ME1: variants seen among roughly 807,000 people sequenced by gnomAD.
ME1 encodes malic enzyme 1.
In ME1, 74 loss-of-function variants were observed where a neutral mutation model predicts 66.4. That is an observed-to-expected ratio of 1.11 (90% CI 0.92 to 1.35). ME1 has a LOEUF of 1.35. Ranked by LOEUF, ME1 falls within the 40% of genes most tolerant of loss-of-function variation. ME1 has a pLI of 0.00. For synonymous variants in ME1, 251 were observed against 235.6 expected (o/e 1.07, Z -0.60); for missense variants, 750 against 694.1 (o/e 1.08, Z -0.90).
At chr6:83,227,126 TA>T (rs1790210997) in intron 11 of ME1, among the ~76,000 whole-genome samples, 3 of 152,208 alleles carry the variant, frequency 2.0e-5, no homozygotes, top group South Asian at 4.1e-4. Context: ...AGTAAAACAT[TA>T]AAATATGTAT....
At chr6:83,420,937 T>A (rs1770252400) in intron 1 of ME1, among the ~76,000 whole-genome samples, 1 of 152,140 alleles carries the variant, frequency 6.6e-6, no homozygotes, top group Non-Finnish European at 1.5e-5. Context: ...TTTAGTTTTT[T>A]GTTTTTTTGG....
At chr6:83,213,198 G>T (rs1220244880) in intron 13 of ME1, among the ~76,000 whole-genome samples, 1 of 151,716 alleles carries the variant, frequency 6.6e-6, no homozygotes, top group Non-Finnish European at 1.5e-5. Flanking sequence ...GCCGAGGCAG[G>T]TGGATCACCT....
intron 2 of ME1, among the ~76,000 whole-genome samples, chr6:83,402,899 A>G (rs1158551006): frequency 1.3e-5 from 2 of 152,206 alleles, no homozygotes; most frequent in African/African-American, 4.8e-5. Flanking sequence ...AGAAGACTGT[A>G]ATTGCCATAA....
rs139683658 is a variant in ME1 at position 83,265,471 on chromosome 6, T to C, written c.705-11733A>G. On this transcript the variant is annotated intron_variant, in intron 6 of 13. Coordinates refer to ENST00000369705, the MANE Select transcript of ME1 (RefSeq NM_002395.6). Reference sequence around the variant, plus strand: ...GCCACCATGCCTGGCTAATTTTTCTTTTAATGTTTTGTAGAGACAAGGGCT... The same window carrying C: ...GCCACCATGCCTGGCTAATTTTTCTCTTAATGTTTTGTAGAGACAAGGGCT... Among the ~76,000 whole-genome samples, 66 of 152,150 alleles carry C rather than the reference T, an allele frequency of 4.3e-4. 2 individuals are homozygous for C. The East Asian group carries it at 0.012, about 27-fold the overall frequency.
At chr6:83,275,041 G>C (rs1767151106) in intron 6 of ME1, among the ~76,000 whole-genome samples, 1 of 152,122 alleles carries the variant, frequency 6.6e-6, no homozygotes, top group African/African-American at 2.4e-5. Flanking sequence ...TGTTAAGATA[G>C]GACAAAAACA....
chr6:83,313,691 C>T (rs961536473), intron 6 of ME1, among the ~76,000 whole-genome samples: 1 of 152,120 alleles, frequency 6.6e-6, no homozygotes, highest in Non-Finnish European at 1.5e-5. Context: ...ATTTCAAAAC[C>T]TTACATGAGC....
At chr6:83,398,542 C>T in intron 2 of ME1, 26 bp from the exon 3 acceptor site, 1 of 1,318,332 alleles carries the variant, frequency 7.6e-7, no homozygotes, top group Non-Finnish European at 1.1e-6. Context: ...ATAATTAGAT[C>T]TACATCCCAT....
chr6:83,315,241 C>A, intron 6 of ME1, 69 bp downstream of exon 6: 1 of 908,824 alleles, frequency 1.1e-6, no homozygotes, highest in Non-Finnish European at 1.8e-6. Flanking sequence ...TTGCATAAAT[C>A]TTGGATTTTT....
intron 6 of ME1, among the ~76,000 whole-genome samples, chr6:83,307,754 T>A (rs1167376210): frequency 6.6e-6 from 1 of 151,492 alleles, no homozygotes; most frequent in East Asian, 1.9e-4. Flanking sequence ...CCTTCCCTGT[T>A]GGGAAGCCAG....
Position 83,227,365 on chromosome 6 carries a change from A to C in ME1, c.1245T>G (p.Cys415Trp). 6.3e-7 allele frequency: 1 copy of C among 1,597,700 alleles called. No homozygotes were observed. The highest frequency in any genetic ancestry group is 8.6e-7 in the Non-Finnish European group (1 of 1,169,518). The change falls in exon 11 of 14, where the codon TGT becomes TGG. Residue 415 changes from cysteine (C) to tryptophan (W), a missense_variant. Transcript: ENST00000369705. Reference sequence around the variant, plus strand: ...TTATTTTGTAGCACTGCTCTGCAGAACATTCTGCTTTGCTAGTTGGATTAC... The same window carrying C: ...TTATTTTGTAGCACTGCTCTGCAGACCATTCTGCTTTGCTAGTTGGATTAC... ...ALSNPTSKAE[C>W]SAEQCYKITK... is the part of the protein sequence containing the mutation.
chr6:83,266,049 T>G (rs1267183350), intron 6 of ME1, among the ~76,000 whole-genome samples: 1 of 152,174 alleles, frequency 6.6e-6, no homozygotes, highest in East Asian at 1.9e-4. Context: ...GCTTGTAGGC[T>G]CTATACATAA....
intron 6 of ME1, among the ~76,000 whole-genome samples, chr6:83,282,994 C>T (rs574668961): frequency 1.3e-5 from 2 of 151,472 alleles, no homozygotes; most frequent in South Asian, 2.1e-4. Context: ...TTTGGGAGGC[C>T]GAGGTGGGCG....
chr6:83,368,918 C>G (rs1351102093), intron 3 of ME1, among the ~76,000 whole-genome samples: 3 of 152,156 alleles, frequency 2.0e-5, no homozygotes, highest in Non-Finnish European at 4.4e-5. Context: ...AGAAAATTTT[C>G]CCATTTTATT....
rs118015213 is a variant in ME1 at position 83,393,418 on chromosome 6, G to C, written c.362+4949C>G. 5,458 of 654,144 alleles carry C rather than the reference G, an allele frequency of 8.3e-3. 149 individuals carry two copies. Among genetic ancestry groups the C allele is most frequent in the Admixed American group, 0.062 (2,777 of 44,882 alleles). The allele number at this position is 654,144 out of a possible 1,614,324, so 40.5% of individuals were successfully genotyped here. Reference sequence around the variant, plus strand: ...TGGCTTCCAAGGAGTAAGACCCCCAGACCACCAGCCCCAGCGACAGCACGA... The same window carrying C: ...TGGCTTCCAAGGAGTAAGACCCCCACACCACCAGCCCCAGCGACAGCACGA... On this transcript the variant is annotated intron_variant, in intron 3 of 13. Transcript: ENST00000369705.
intron 2 of ME1, among the ~76,000 whole-genome samples, chr6:83,401,617 C>G (rs1769842984): frequency 6.6e-6 from 1 of 152,180 alleles, no homozygotes; most frequent in African/African-American, 2.4e-5. Context: ...CAACTGTATA[C>G]ACGTCGGACA....
chr6:83,223,676 C>T (rs778171218), intron 12 of ME1, 84 bp downstream of exon 12: 63 of 1,286,316 alleles, frequency 4.9e-5, no homozygotes, highest in Non-Finnish European at 6.6e-5. Context: ...AGCTGAGATG[C>T]TAGATAAATA....
intron 1 of ME1, among the ~76,000 whole-genome samples, chr6:83,416,039 A>G (rs1015251951): frequency 6.6e-6 from 1 of 152,188 alleles, no homozygotes; most frequent in Admixed American, 6.6e-5. Flanking sequence ...AGGGTATACC[A>G]TTTGTCAAGT....
intron 9 of ME1, among the ~76,000 whole-genome samples, chr6:83,235,146 C>T (rs1339282124): frequency 2.0e-5 from 3 of 152,170 alleles, no homozygotes; most frequent in Admixed American, 6.5e-5. Flanking sequence ...TTAATAGACA[C>T]GTTGTCTTGA....
intron 6 of ME1, among the ~76,000 whole-genome samples, chr6:83,274,238 A>G (rs2128531705): frequency 6.6e-6 from 1 of 152,350 alleles, no homozygotes; most frequent in South Asian, 2.1e-4. Context: ...TAAATGGAAC[A>G]TGTATCTTGG....
Sources: allele counts gnomAD v4.1 joint callset (sites outside exome capture counted in the v4.1 genomes callset), GRCh38; gene constraint gnomAD v4.1.1; transcripts MANE v1.5; gene names NCBI Gene and HGNC (gene_info 2026-07-23, HGNC 2026-07-21).